DPYSL2: variants seen among roughly 807,000 people sequenced by gnomAD.
DPYSL2 encodes the protein dihydropyrimidinase-related protein 2.
Under a neutral mutation model 69.9 loss-of-function variants are expected in DPYSL2, and 13 were observed. The observed-to-expected ratio is 0.19, with a 90% CI of 0.12 to 0.30. The LOEUF (loss-of-function observed/expected upper bound fraction) is 0.30, where lower values mean the gene tolerates loss of function less well. DPYSL2 is among the 10% of genes least tolerant of loss of function. The pLI, the probability that DPYSL2 is intolerant of heterozygous loss-of-function variation, is 1.00. For synonymous variants in DPYSL2, 326 were observed against 359.1 expected, an observed-to-expected ratio of 0.91 and a Z score of 1.04; for missense variants, 587 against 918.9, an observed-to-expected ratio of 0.64 and a Z score of 4.67.
intron 3 of DPYSL2, among the ~76,000 whole-genome samples, chr8:26,599,187 C>T (rs1481541117): frequency 6.6e-6 from 1 of 152,118 alleles, no homozygotes; most frequent in South Asian, 2.1e-4. Flanking sequence ...TTCCTGGGTC[C>T]TGTGGCTTGT....
Position 26,556,298 on chromosome 8 carries a change from T to C in DPYSL2, c.355-25671T>C, listed in dbSNP as rs546985411. On this transcript the variant is annotated intron_variant, in intron 1 of 13. Coordinates refer to ENST00000521913, the MANE Select transcript of DPYSL2 (RefSeq NM_001197293.3). ...TAGTATTTATATAATATATATAGTA[T>C]ATATATAGTATATATATACTATATA... Among the ~76,000 whole-genome samples, 3 of 44,978 alleles carry C rather than the reference T, an allele frequency of 6.7e-5. 1 individual carries two copies. Among genetic ancestry groups the C allele is most frequent in the Non-Finnish European group, 1.2e-4 (3 of 25,562 alleles). The allele number at this position is 44,978 out of a possible 152,430, so 29.5% of individuals were successfully genotyped here. A position where few individuals can be genotyped will look rare whatever the true frequency, so the allele number is the denominator to read the frequency against.
intron 11 of DPYSL2, among the ~76,000 whole-genome samples, chr8:26,649,904 T>C (rs976061573): frequency 6.6e-6 from 1 of 152,188 alleles, no homozygotes; most frequent in African/African-American, 2.4e-5. Context: ...TTGTCAATGT[T>C]AAGTCACTGA....
At chr8:26,554,647 G>T (rs1800916529) in intron 1 of DPYSL2, among the ~76,000 whole-genome samples, 1 of 151,944 alleles carries the variant, frequency 6.6e-6, no homozygotes, top group Non-Finnish European at 1.5e-5. Flanking sequence ...TTATAGTTTT[G>T]GGTTTTACAT....
At chr8:26,615,975 G>A (rs1256662551) in intron 3 of DPYSL2, among the ~76,000 whole-genome samples, 3 of 152,110 alleles carry the variant, frequency 2.0e-5, no homozygotes, top group Admixed American at 6.5e-5. Context: ...ATCTTCCTGG[G>A]GGTGTTTATC....
rs1803050758 is a variant in DPYSL2 at position 26,641,647 on chromosome 8, A to G, written c.1127-1792A>G. 6.6e-6 allele frequency among the ~76,000 whole-genome samples: 1 copy of G among 152,218 alleles called. No individual in the cohort carries two copies. ...AGCTTCTGCATGGGAGACTTTGAGC[A>G]GGCCAGGAGCCAAGGGGACCCTCCT... On this transcript the variant is annotated intron_variant, in intron 8 of 13. Coordinates refer to ENST00000521913, the MANE Select transcript of DPYSL2 (RefSeq NM_001197293.3). The surrounding 1 kb of genome is among the most constrained non-coding windows in gnomAD (Gnocchi z 4.1).
intron 7 of DPYSL2, among the ~76,000 whole-genome samples, chr8:26,629,815 G>A (rs776358686): frequency 1.3e-5 from 2 of 151,964 alleles, no homozygotes; most frequent in Non-Finnish European, 2.9e-5. Flanking sequence ...GGCAGGTCTC[G>A]AACTCCTGGG....
At chr8:26,639,155 G>C (rs4733044) in intron 8 of DPYSL2, among the ~76,000 whole-genome samples, 81,675 of 152,124 alleles carry the variant, frequency 0.54, 22,972 homozygotes, top group East Asian at 0.71. Context: ...CGCAGGGCCT[G>C]TGAGGACCAC....
chr8:26,651,920 A>T (rs1025374731), intron 11 of DPYSL2, among the ~76,000 whole-genome samples: 9 of 152,212 alleles, frequency 5.9e-5, no homozygotes, highest in Non-Finnish European at 7.3e-5. Context: ...ATTCAACCGG[A>T]ATGGAGCTGG....
In DPYSL2 at chr8:26,517,788, G is replaced by C. The variant is rs1200646350; in HGVS notation, c.354+3109G>C. Among the ~76,000 whole-genome samples the C allele has an allele frequency of 1.3e-5, 2 of 152,230 alleles. No homozygotes were observed. The highest frequency in any genetic ancestry group is 3.8e-4 in the East Asian group (2 of 5,196). On this transcript the variant is annotated intron_variant, in intron 1 of 13. Coordinates refer to ENST00000521913, the MANE Select transcript of DPYSL2 (RefSeq NM_001197293.3). The surrounding 1 kb of genome is among the most constrained non-coding windows in gnomAD (Gnocchi z 4.2). ...CCTCCTCTCCAGGGCAGGTGCCGCT[G>C]AATGAACTGCACAGTGCTGCTGAGC...
chr8:26,599,151 G>T (rs759612241), intron 3 of DPYSL2, among the ~76,000 whole-genome samples: 1 of 152,214 alleles, frequency 6.6e-6, no homozygotes, highest in Non-Finnish European at 1.5e-5. Flanking sequence ...TTTATGTAGA[G>T]GGGGAAAGTG....
At chr8:26,555,776 A>T (rs1800935707) in intron 1 of DPYSL2, among the ~76,000 whole-genome samples, 1 of 150,764 alleles carries the variant, frequency 6.6e-6, no homozygotes, top group Non-Finnish European at 1.5e-5. Flanking sequence ...AGTCCCAGCT[A>T]CAAGGGAGGA....
At chr8:26,537,650 T>C (rs914146708) in intron 1 of DPYSL2, among the ~76,000 whole-genome samples, 2 of 78,778 alleles carry the variant, frequency 2.5e-5, no homozygotes, top group Non-Finnish European at 5.8e-5. Context: ...ATATTTTTTC[T>C]CATTCGAGAG....
At chr8:26,527,878 C>T (rs1346754171) in intron 1 of DPYSL2, among the ~76,000 whole-genome samples, 2 of 149,648 alleles carry the variant, frequency 1.3e-5, no homozygotes, top group Admixed American at 6.7e-5. Context: ...TCTGGACTCA[C>T]TGCAACCTCT....
chr8:26,614,401 G>A lies in DPYSL2; in HGVS notation c.629-9742G>A, dbSNP rs1469907262. Among the ~76,000 whole-genome samples, 1 of 152,124 alleles carries A rather than the reference G, an allele frequency of 6.6e-6. No individual in the cohort carries two copies. Among genetic ancestry groups the A allele is most frequent in the Non-Finnish European group, 1.5e-5 (1 of 68,036 alleles). On this transcript the variant is annotated intron_variant, in intron 3 of 13. Coordinates refer to ENST00000521913, the MANE Select transcript of DPYSL2 (RefSeq NM_001197293.3). This position sits in a 1 kb window ranked among gnomAD's most constrained non-coding sequence, Gnocchi z 4.9. The stretch of plus-strand genomic sequence containing the variant: ...CTCCATAGCTCGATGAGAAGAGAGG[G>A]GTGGGGACAGGCGGTAGCTGGAGGG...
intron 8 of DPYSL2, among the ~76,000 whole-genome samples, chr8:26,635,677 T>A (rs1442447992): frequency 1.1e-5 from 1 of 86,972 alleles, no homozygotes; most frequent in Non-Finnish European, 3.3e-5. Flanking sequence ...TATAAAAGGG[T>A]CCCCTTCTTT....
At chr8:26,590,071 G>A (rs1164240512) in intron 3 of DPYSL2, among the ~76,000 whole-genome samples, 1 of 152,172 alleles carries the variant, frequency 6.6e-6, no homozygotes, top group Non-Finnish European at 1.5e-5. Flanking sequence ...GAGTACACAC[G>A]TGTGAACGCA....
At chr8:26,544,273 A>G (rs1800730159) in intron 1 of DPYSL2, among the ~76,000 whole-genome samples, 1 of 152,178 alleles carries the variant, frequency 6.6e-6, no homozygotes. Flanking sequence ...GTGCCTCACC[A>G]TACACACACT....
chr8:26,611,346 G>T (rs1216591998), intron 3 of DPYSL2, among the ~76,000 whole-genome samples: 1 of 152,208 alleles, frequency 6.6e-6, no homozygotes, highest in East Asian at 1.9e-4. Context: ...CAGCTTTTCA[G>T]ATGGTGGAGT....
intron 1 of DPYSL2, among the ~76,000 whole-genome samples, chr8:26,576,211 C>A (rs551767656): frequency 6.6e-6 from 1 of 152,278 alleles, no homozygotes; most frequent in East Asian, 1.9e-4. Flanking sequence ...GAATTTTACA[C>A]CTTCTCTGAG....
Sources: gnomAD v4.1 joint callset for allele counts (sites outside exome capture counted in the v4.1 genomes callset) on GRCh38, gnomAD v4.1.1 for gene constraint, Gnocchi (gnomAD v3.1) non-coding constraint, MANE v1.5 for transcripts, NCBI Gene and HGNC (gene_info 2026-07-23, HGNC 2026-07-21) for gene names.